The following NPAS3 variants were observed in gnomAD, a reference collection of about 807,000 sequenced individuals.
NPAS3 encodes the protein neuronal PAS domain-containing protein 3.
NPAS3 carries 14 observed loss-of-function variants against 73.1 expected under a neutral mutation model. That is an observed-to-expected ratio of 0.19 (90% CI 0.13 to 0.30). The LOEUF is 0.30. Among genes scored for constraint, NPAS3 ranks in the 10% least tolerant of loss-of-function variants. The probability of loss-of-function intolerance (pLI) is 1.00; values close to 1 mark genes in which losing one functional copy is unlikely to be tolerated. For missense variants in NPAS3, 1,096 were observed against 1,250.0 expected (o/e 0.88, Z 1.86); for synonymous variants, 620 against 541.5 (o/e 1.14, Z -2.01).
chr14:33,230,773 C>A (rs376200437), intron 3 of NPAS3, among the ~76,000 whole-genome samples: 2 of 152,210 alleles, frequency 1.3e-5, no homozygotes, highest in East Asian at 3.9e-4. Flanking sequence ...AATATACGTT[C>A]TTTTCATATT....
chr14:33,222,599 C>T (rs181796944), intron 3 of NPAS3, among the ~76,000 whole-genome samples: 3 of 152,336 alleles, frequency 2.0e-5, no homozygotes, highest in Non-Finnish European at 4.4e-5. Context: ...TGTTTCTTTA[C>T]ATGCCTGTCT....
At chr14:33,781,674 G>C (rs565160986) in intron 9 of NPAS3, among the ~76,000 whole-genome samples, 56 of 152,258 alleles carry the variant, frequency 3.7e-4, no homozygotes, top group African/African-American at 1.3e-3. Flanking sequence ...CACAATTCCT[G>C]GTTCTGTCCT....
At chr14:32,942,152 A>T (rs1566784606) in intron 1 of NPAS3, among the ~76,000 whole-genome samples, 1 of 152,206 alleles carries the variant, frequency 6.6e-6, no homozygotes, top group Admixed American at 6.5e-5. Flanking sequence ...TTTAAATGGT[A>T]TCCTCCTATT....
In NPAS3 at chr14:33,421,547, C is replaced by CTT. The variant is rs80147474; in HGVS notation, c.468+54288_468+54289dup. 1.3e-3 allele frequency among the ~76,000 whole-genome samples: 191 copies of CTT among 147,998 alleles called. 1 individual carries two copies. The highest frequency in any genetic ancestry group is 4.1e-3 in the African/African-American group (164 of 40,402). The stretch of plus-strand genomic sequence containing the variant: ...CATAGAAGCATTTCCCATATAGAAG[C>CTT]TTTTTTTTTTGTATGTCAGGTTGAG... On this transcript the variant is annotated intron_variant, in intron 4 of 11. Coordinates refer to ENST00000356141, the Ensembl canonical transcript of NPAS3.
intron 1 of NPAS3, among the ~76,000 whole-genome samples, chr14:32,999,094 A>T (rs1338044593): frequency 2.6e-5 from 4 of 152,212 alleles, no homozygotes; most frequent in Non-Finnish European, 5.9e-5. Context: ...TAGTTTTTTG[A>T]ATAGCAATTT....
At chr14:33,080,131 G>C (rs999940511) in intron 2 of NPAS3, among the ~76,000 whole-genome samples, 1 of 151,668 alleles carries the variant, frequency 6.6e-6, no homozygotes. Context: ...TTTTGGGACG[G>C]AGTCTCACTC....
intron 4 of NPAS3, among the ~76,000 whole-genome samples, chr14:33,555,137 A>T (rs1478249654): frequency 6.6e-6 from 1 of 152,232 alleles, no homozygotes; most frequent in African/African-American, 2.4e-5. Flanking sequence ...CTGGATGGCT[A>T]AGAACTGTTT....
chr14:33,368,374 T>A (rs1174990451), intron 4 of NPAS3, among the ~76,000 whole-genome samples: 1 of 151,634 alleles, frequency 6.6e-6, no homozygotes, highest in Non-Finnish European at 1.5e-5. Context: ...CAAAGCAGTG[T>A]CTTTACTGGC....
intron 5 of NPAS3, among the ~76,000 whole-genome samples, chr14:33,597,495 A>AG: frequency 6.6e-6 from 1 of 152,364 alleles, no homozygotes; most frequent in South Asian, 2.1e-4. Flanking sequence ...AAGAAAACTA[A>AG]AAATGTCTCA....
intron 2 of NPAS3, chr14:33,213,580 C>A (rs945181123): frequency 6.6e-6 from 1 of 152,096 alleles, no homozygotes; most frequent in East Asian, 1.9e-4. Context: ...TGGAGGCTGG[C>A]CCAGATATTG....
chr14:33,135,557 A>T (rs1018717356), intron 2 of NPAS3, among the ~76,000 whole-genome samples: 13 of 152,194 alleles, frequency 8.5e-5, no homozygotes, highest in African/African-American at 3.1e-4. Context: ...CCAACATTTT[A>T]TAATAAGTCA....
chr14:33,657,878 G>A (rs1380681777), intron 5 of NPAS3, among the ~76,000 whole-genome samples: 1 of 152,202 alleles, frequency 6.6e-6, no homozygotes, highest in East Asian at 1.9e-4. Context: ...GGTGAGGGAT[G>A]TCAAATTGAC....
At chr14:33,537,795 C>T (rs1404694905) in intron 4 of NPAS3, among the ~76,000 whole-genome samples, 2 of 152,104 alleles carry the variant, frequency 1.3e-5, no homozygotes, top group East Asian at 1.9e-4. Flanking sequence ...ACTCCAGACA[C>T]CCATGCCAAG....
chr14:33,762,215 G>T (rs1415719085), intron 7 of NPAS3, among the ~76,000 whole-genome samples: 6 of 151,898 alleles, frequency 4.0e-5, no homozygotes, highest in African/African-American at 1.5e-4. Context: ...CATAAAAATT[G>T]GTCCCTTTGT....
chr14:33,222,876 G>GA (rs2047485127), intron 3 of NPAS3, among the ~76,000 whole-genome samples: 1 of 152,172 alleles, frequency 6.6e-6, no homozygotes, highest in African/African-American at 2.4e-5. Flanking sequence ...GAGGGAGAAT[G>GA]ATGGGAATAA....
Position 33,618,668 on chromosome 14 carries a change from A to G in NPAS3, c.559-57543A>G, listed in dbSNP as rs149596916. On this transcript the variant is annotated intron_variant, in intron 5 of 11. Coordinates refer to ENST00000356141, the Ensembl canonical transcript of NPAS3. ...TATGGCCTGGGAGTTGGGGATCCCT[A>G]TTTCAGGTTATCTACTCTAACCTGA... Among the ~76,000 whole-genome samples, 812 of 152,260 alleles carry G rather than the reference A, an allele frequency of 5.3e-3. 10 individuals are homozygous for G. Among genetic ancestry groups the G allele is most frequent in the Middle Eastern group, 0.027 (8 of 294 alleles).
chr14:33,727,431 T>A (rs556880295), intron 6 of NPAS3, among the ~76,000 whole-genome samples: 3 of 152,166 alleles, frequency 2.0e-5, no homozygotes, highest in Non-Finnish European at 4.4e-5. Flanking sequence ...CTTTCTGATA[T>A]ACAATGTTCT....
intron 4 of NPAS3, among the ~76,000 whole-genome samples, chr14:33,442,082 T>G (rs1272326372): frequency 1.3e-5 from 2 of 152,234 alleles, no homozygotes; most frequent in Non-Finnish European, 2.9e-5. Flanking sequence ...GATTTCTCGA[T>G]GTACTACTTC....
chr14:33,102,711 G>C (rs987337913), intron 2 of NPAS3, among the ~76,000 whole-genome samples: 1 of 152,174 alleles, frequency 6.6e-6, no homozygotes, highest in Non-Finnish European at 1.5e-5. Context: ...ATGGAAGTGG[G>C]AAGAGGGGAA....
Sources: gnomAD v4.1 joint callset for allele counts (sites outside exome capture counted in the v4.1 genomes callset) on GRCh38, gnomAD v4.1.1 for gene constraint, MANE v1.5 for transcripts, NCBI Gene and HGNC (gene_info 2026-07-23, HGNC 2026-07-21) for gene names.